WDR72: variants seen among roughly 807,000 people sequenced by gnomAD.
WDR72 encodes the protein WD repeat domain 72.
A neutral mutation model predicts 124.2 loss-of-function variants in WDR72; 120 were observed. The observed-to-expected ratio is 0.97, with a 90% CI of 0.83 to 1.12. The LOEUF (loss-of-function observed/expected upper bound fraction) is 1.12. WDR72 is among the 50% of genes most tolerant of loss of function. WDR72 has a pLI of 0.00. For missense variants in WDR72, 1,387 were observed against 1,278.8 expected, an observed-to-expected ratio of 1.08 and a Z score of -1.29; for synonymous variants, 452 against 441.7, an observed-to-expected ratio of 1.02 and a Z score of -0.29.
chr15:53,758,068 C>A (rs1346988361), intron 1 of WDR72, among the ~76,000 whole-genome samples: 1 of 151,972 alleles, frequency 6.6e-6, no homozygotes, highest in East Asian at 1.9e-4. Context: ...GTGAAGCATG[C>A]AATCATGGCT....
At position 53,646,839 on chromosome 15, in the gene WDR72, C is replaced by T. The variant is rs1173939090; in HGVS notation, c.1962+18733G>A. On this transcript the variant is annotated intron_variant, in intron 14 of 19. Transcript: ENST00000360509. ...AATGGCAAGGAAAGTAAGGTATGGC[C>T]AAATAGGTGTAATAAAAAGGAAGTC... 2.0e-5 allele frequency among the ~76,000 whole-genome samples: 3 copies of T among 151,808 alleles called. No individual in the cohort carries two copies. The East Asian group carries it at 5.8e-4, about 29-fold the overall frequency.
intron 13 of WDR72, among the ~76,000 whole-genome samples, chr15:53,683,896 C>G (rs1271544617): frequency 6.6e-6 from 1 of 152,076 alleles, no homozygotes; most frequent in Admixed American, 6.6e-5. Context: ...AATTCAAAAT[C>G]TCTTAGACTA....
At chr15:53,658,077 G>C (rs2015489326) in intron 14 of WDR72, among the ~76,000 whole-genome samples, 1 of 152,164 alleles carries the variant, frequency 6.6e-6, no homozygotes, top group South Asian at 2.1e-4. Context: ...CTTTAGATGA[G>C]GACTTATGTC....
chr15:53,695,108 T>A (rs1267059273), intron 13 of WDR72, among the ~76,000 whole-genome samples: 1 of 152,236 alleles, frequency 6.6e-6, no homozygotes, highest in African/African-American at 2.4e-5. Context: ...TCTTAAGGTA[T>A]TTTTAAAAAG....
chr15:53,568,821 A>C (rs1353316267), intron 18 of WDR72, among the ~76,000 whole-genome samples: 1 of 152,042 alleles, frequency 6.6e-6, no homozygotes, highest in Non-Finnish European at 1.5e-5. Context: ...CTCAGCTGCT[A>C]TCAATGTAAA....
At chr15:53,578,104 ATTTG>A (rs1367221250) in intron 18 of WDR72, among the ~76,000 whole-genome samples, 24 of 152,224 alleles carry the variant, frequency 1.6e-4, no homozygotes, top group African/African-American at 5.5e-4. Flanking sequence ...CCTGCCATCT[ATTTG>A]TTTATCATAT....
At chr15:53,551,412 GA>G (rs1192374054) in intron 18 of WDR72, among the ~76,000 whole-genome samples, 1 of 152,112 alleles carries the variant, frequency 6.6e-6, no homozygotes, top group African/African-American at 2.4e-5. Context: ...TCTTGGAAAG[GA>G]AATTTGATCA....
intron 1 of WDR72, among the ~76,000 whole-genome samples, chr15:53,734,054 T>C (rs1027152378): frequency 6.6e-6 from 1 of 152,220 alleles, no homozygotes; most frequent in Non-Finnish European, 1.5e-5. Context: ...CCTTCTGTCC[T>C]GCAGGATTTC....
At chr15:53,704,303 A>G (rs1301513275) in intron 11 of WDR72, among the ~76,000 whole-genome samples, 1 of 152,206 alleles carries the variant, frequency 6.6e-6, no homozygotes, top group Non-Finnish European at 1.5e-5. Context: ...GTTTAAGGAC[A>G]TTTGAGTAAA....
intron 18 of WDR72, among the ~76,000 whole-genome samples, chr15:53,524,057 C>T (rs532319436): frequency 2.9e-4 from 44 of 152,150 alleles, no homozygotes; most frequent in East Asian, 3.9e-4. Flanking sequence ...AGTTGTAATA[C>T]TTGCTCTATG....
At chr15:53,705,440 T>TTG (rs377229177) in intron 10 of WDR72, among the ~76,000 whole-genome samples, 2 of 151,604 alleles carry the variant, frequency 1.3e-5, no homozygotes, top group East Asian at 2.0e-4. Context: ...TCCATAACCT[T>TTG]TGTGTGTGTG....
At chr15:53,554,191 C>T (rs1282047073) in intron 18 of WDR72, among the ~76,000 whole-genome samples, 1 of 152,110 alleles carries the variant, frequency 6.6e-6, no homozygotes, top group South Asian at 2.1e-4. Flanking sequence ...GTCTTCTTCA[C>T]TCTTCATGTT....
intron 1 of WDR72, among the ~76,000 whole-genome samples, chr15:53,749,600 T>C (rs931967075): frequency 1.3e-5 from 2 of 152,066 alleles, no homozygotes; most frequent in Admixed American, 6.6e-5. Context: ...TCACCTTAAA[T>C]CAAAGCCAAA....
chr15:53,672,950 C>T (rs959505562), intron 13 of WDR72, among the ~76,000 whole-genome samples: 1 of 151,880 alleles, frequency 6.6e-6, no homozygotes. Flanking sequence ...GACAAGGTGG[C>T]GAAACCCCAT....
chr15:53,704,957 A>T, intron 11 of WDR72, 31 bp downstream of exon 11: 1 of 1,611,730 alleles, frequency 6.2e-7, no homozygotes, highest in Non-Finnish European at 8.5e-7. Context: ...TAGATAAATC[A>T]AATAAATAGG....
intron 18 of WDR72, among the ~76,000 whole-genome samples, chr15:53,567,170 T>C (rs989004148): frequency 6.6e-6 from 1 of 152,010 alleles, no homozygotes; most frequent in Admixed American, 6.6e-5. Context: ...GTGAGCTGTG[T>C]GTCCAACATG....
chr15:53,568,332 C>A (rs1198715836), intron 18 of WDR72, among the ~76,000 whole-genome samples: 1 of 151,578 alleles, frequency 6.6e-6, no homozygotes, highest in Non-Finnish European at 1.5e-5. Flanking sequence ...ATAGTGAAAT[C>A]GGTTTTTATG....
chr15:53,690,632 G>A (rs952622434), intron 13 of WDR72, among the ~76,000 whole-genome samples: 1 of 152,164 alleles, frequency 6.6e-6, no homozygotes, highest in Non-Finnish European at 1.5e-5. Context: ...TTTGAGGGTG[G>A]AGTAACACTT....
At chr15:53,641,013 T>G (rs1382110792) in intron 14 of WDR72, among the ~76,000 whole-genome samples, 2 of 152,034 alleles carry the variant, frequency 1.3e-5, no homozygotes, top group Non-Finnish European at 2.9e-5. Context: ...TTTTTTCATT[T>G]TTTTCTGAAA....
Sources: gnomAD v4.1 joint callset for allele counts (sites outside exome capture counted in the v4.1 genomes callset) on GRCh38, gnomAD v4.1.1 for gene constraint, MANE v1.5 for transcripts, NCBI Gene and HGNC (gene_info 2026-07-23, HGNC 2026-07-21) for gene names.